Variants in SPG21 observed in about 807,000 individuals in gnomAD.
The protein encoded by SPG21 is maspardin.
Under a neutral mutation model 38.9 loss-of-function variants are expected in SPG21, and 26 were observed. That is an observed-to-expected ratio of 0.67 (90% CI 0.49 to 0.93). The LOEUF is 0.93. SPG21 is among the 40% of genes least tolerant of loss of function. The pLI, the probability that SPG21 is intolerant of heterozygous loss-of-function variation, is 0.00. For synonymous variants in SPG21, 136 were observed against 128.9 expected (o/e 1.05, Z -0.37); for missense variants, 333 against 376.5 (o/e 0.88, Z 0.96).
At chr15:64,980,529 G>A (rs903954746) in intron 3 of SPG21, among the ~76,000 whole-genome samples, 2 of 152,078 alleles carry the variant, frequency 1.3e-5, no homozygotes, top group African/African-American at 2.4e-5. Context: ...ATGAGGTCAG[G>A]AGTTCGAGAC....
chr15:64,986,288 C>T (rs574843976), intron 1 of SPG21, among the ~76,000 whole-genome samples: 7 of 152,276 alleles, frequency 4.6e-5, no homozygotes, highest in Middle Eastern at 3.4e-3. Context: ...ATCACTTGAA[C>T]CCGGGAGGCA....
At chr15:64,965,768 C>G (rs569908161) in intron 7 of SPG21, among the ~76,000 whole-genome samples, 22 of 144,336 alleles carry the variant, frequency 1.5e-4, no homozygotes, top group African/African-American at 5.7e-4. Flanking sequence ...GTGGTGTGAT[C>G]TCGGCTCACT....
chr15:64,978,790 C>G (rs777019456), intron 3 of SPG21, among the ~76,000 whole-genome samples: 5 of 152,040 alleles, frequency 3.3e-5, no homozygotes, highest in Non-Finnish European at 7.4e-5. Flanking sequence ...TTATATGCAA[C>G]TTAATACATA....
chr15:64,983,453 C>G, intron 2 of SPG21, 54 bp downstream of exon 2: 1 of 1,265,334 alleles, frequency 7.9e-7, no homozygotes, highest in Non-Finnish European at 1.1e-6. Context: ...CTAAATCACA[C>G]ACAAAAACAA....
intron 7 of SPG21, 59 bp from the exon 8 acceptor site, chr15:64,965,519 G>C (rs1263535995): frequency 6.2e-7 from 1 of 1,607,318 alleles, no homozygotes; most frequent in Admixed American, 1.7e-5. Context: ...CACACATACA[G>C]AAAGCTGTAA....
At chr15:64,983,072 A>C (rs1351612354) in intron 2 of SPG21, 2 of 213,330 alleles carry the variant, frequency 9.4e-6, no homozygotes, top group Admixed American at 9.5e-5. Flanking sequence ...AGCCTGGCCA[A>C]CATGGTGAAA....
chr15:64,984,453 A>C (rs1566932569), intron 1 of SPG21, among the ~76,000 whole-genome samples: 1 of 152,160 alleles, frequency 6.6e-6, no homozygotes, highest in African/African-American at 2.4e-5. Context: ...CTGAGGCTCA[A>C]GTGATTATCC....
intron 7 of SPG21, among the ~76,000 whole-genome samples, chr15:64,967,536 C>T (rs1468159048): frequency 2.6e-5 from 4 of 151,194 alleles, no homozygotes; most frequent in African/African-American, 4.9e-5. Context: ...TGCAGTGGTG[C>T]GATCTCAGCT....
rs2085634952 is a variant in SPG21, at chr15:64,970,208, G to C, written c.467C>G (p.Pro156Arg). The C allele has an allele frequency of 1.9e-6, 3 of 1,613,960 alleles. No homozygotes were observed. Among genetic ancestry groups the C allele is most frequent in the Non-Finnish European group, 2.5e-6 (3 of 1,179,968 alleles). ...AACTATTTTTTTGAGCATAAATGCA[G>C]GCATCAGCCAAAAGCTGTAAAACAC... ...TWTANSFWLMPAFMLKKIVLG... is the reference protein window; with the variant it reads ...TWTANSFWLMRAFMLKKIVLG... Residue 156 changes from proline to arginine, a missense_variant, in exon 6 of 9, where the codon CCT (proline) becomes CGT (arginine). Physicochemically the swap from Pro to Arg is moderately radical, Grantham distance 103. Coordinates refer to ENST00000204566, the MANE Select transcript of SPG21 (RefSeq NM_016630.7).
intron 6 of SPG21, among the ~76,000 whole-genome samples, chr15:64,969,690 T>TG (rs2140416346): frequency 7.7e-6 from 1 of 130,450 alleles, no homozygotes; most frequent in Admixed American, 7.5e-5. Context: ...TGTTTTTGTT[T>TG]TTTTTTTTTT....
At chr15:64,986,700 CAAAACAAAACAAAAAACAAA>C (rs979034285) in intron 1 of SPG21, among the ~76,000 whole-genome samples, 118 of 150,408 alleles carry the variant, frequency 7.8e-4, no homozygotes, top group Non-Finnish European at 4.3e-4. Flanking sequence ...CAAAACAAAA[CAAAACAAAACAAAAAACAAA>C]AAAACAAAAA....
chr15:64,983,116 A>G, intron 2 of SPG21: 1 of 279,716 alleles, frequency 3.6e-6, no homozygotes, highest in Middle Eastern at 1.3e-3. Flanking sequence ...AAATTAGCTG[A>G]GTGTGGTAGC....
chr15:64,963,853 T>G (rs1018777335), intron 8 of SPG21, 117 bp from the exon 9 acceptor site: 11 of 813,208 alleles, frequency 1.4e-5, no homozygotes, highest in African/African-American at 3.4e-5. Flanking sequence ...GCCTCCCGGG[T>G]TCACCCAATT....
intron 8 of SPG21, among the ~76,000 whole-genome samples, chr15:64,964,040 G>A (rs2140402983): frequency 6.6e-6 from 1 of 152,296 alleles, no homozygotes; most frequent in East Asian, 1.9e-4. Context: ...ACAGGTGTGA[G>A]CCACTGCACC....
intron 2 of SPG21, 119 bp downstream of exon 2, chr15:64,983,388 C>T (rs1413841341): frequency 2.7e-6 from 2 of 730,658 alleles, no homozygotes; most frequent in Non-Finnish European, 2.4e-6. Flanking sequence ...CTGCAACCCA[C>T]AGTCATGATA....
intron 3 of SPG21, among the ~76,000 whole-genome samples, chr15:64,978,416 C>G (rs2085826421): frequency 1.3e-5 from 2 of 152,000 alleles, no homozygotes; most frequent in African/African-American, 4.8e-5. Flanking sequence ...CTACTGCACT[C>G]TAGCCTGAGT....
At chr15:64,969,194 G>A in intron 7 of SPG21, 61 bp downstream of exon 7, 4 of 1,146,998 alleles carry the variant, frequency 3.5e-6, no homozygotes, top group Middle Eastern at 2.0e-4. Context: ...AGTTTTATAG[G>A]AGATCTTGAC....
At chr15:64,987,503 A>G (rs2086019528) in intron 1 of SPG21, 1 of 152,250 alleles carries the variant, frequency 6.6e-6, no homozygotes, top group Admixed American at 6.5e-5. Flanking sequence ...GTATATGGCA[A>G]AGGTTAACTG....
intron 5 of SPG21, among the ~76,000 whole-genome samples, chr15:64,974,263 T>C (rs2140426354): frequency 6.6e-6 from 1 of 152,248 alleles, no homozygotes; most frequent in Admixed American, 6.5e-5. Context: ...GCCCGGGAGT[T>C]AGAGACCAGC....
Sources: allele counts gnomAD v4.1 joint callset (sites outside exome capture counted in the v4.1 genomes callset), GRCh38; gene constraint gnomAD v4.1.1; transcripts MANE v1.5; gene names NCBI Gene and HGNC (gene_info 2026-07-23, HGNC 2026-07-21).